IL1R1: variants seen among roughly 807,000 people sequenced by gnomAD.
IL1R1 encodes the protein interleukin 1 receptor type 1, also known as interleukin-1 receptor type 1.
IL1R1 carries 22 observed loss-of-function variants against 50.2 expected under a neutral mutation model. That is an observed-to-expected ratio of 0.44 (90% CI 0.31 to 0.63). The LOEUF is 0.63. IL1R1 is among the 20% of genes least tolerant of loss of function. IL1R1 has a pLI of 0.07. For synonymous variants in IL1R1, 251 were observed against 236.7 expected (o/e 1.06, Z -0.55); for missense variants, 509 against 676.2 (o/e 0.75, Z 2.74).
chr2:102,071,558 C>T (rs1678720069), intron 1 of IL1R1, among the ~76,000 whole-genome samples: 1 of 152,222 alleles, frequency 6.6e-6, no homozygotes, highest in East Asian at 1.9e-4. Context: ...GTGGCCCAAA[C>T]TGGCTTACAT....
chr2:102,167,361 T>C (rs1685268919), intron 6 of IL1R1, among the ~76,000 whole-genome samples: 2 of 152,152 alleles, frequency 1.3e-5, no homozygotes, highest in Admixed American at 1.3e-4. Flanking sequence ...TGGTCTGTCT[T>C]TCCTGAAACA....
In IL1R1 at chr2:102,113,244, A is replaced by G. The variant is rs187730535; in HGVS notation, c.-84+8372A>G. On this transcript the variant is annotated intron_variant, in intron 1 of 10. Transcript: ENST00000409329. ...TCCTGAACTAATGAACAAGTGAATG[A>G]GCCATTGCTATAGAATAGGCTCAAA... Among the ~76,000 whole-genome samples the G allele has an allele frequency of 2.6e-5, 4 of 152,388 alleles. No homozygotes were observed. In the East Asian group the frequency reaches 7.7e-4, roughly 29 times the overall value.
chr2:102,139,435 C>T (rs182480300), upstream of IL1R1, among the ~76,000 whole-genome samples: 4 of 152,216 alleles, frequency 2.6e-5, no homozygotes, highest in African/African-American at 9.6e-5. Context: ...GGCTGGGAAG[C>T]CAAATGGCAT....
intron 1 of IL1R1, among the ~76,000 whole-genome samples, chr2:102,071,095 T>C (rs1678697628): frequency 6.6e-6 from 1 of 152,156 alleles, no homozygotes; most frequent in Admixed American, 6.5e-5. Flanking sequence ...ATGTGTTATA[T>C]CATGATTTTT....
chr2:102,134,203 T>A (rs1200676958), intron 1 of IL1R1, among the ~76,000 whole-genome samples: 1 of 152,202 alleles, frequency 6.6e-6, no homozygotes, highest in Non-Finnish European at 1.5e-5. Flanking sequence ...TGAAGCGGTG[T>A]TGATGGCAGA....
intron 3 of IL1R1, 125 bp from the exon 4 acceptor site, chr2:102,164,649 G>T (rs1685015989): frequency 1.5e-6 from 1 of 666,260 alleles, no homozygotes; most frequent in Non-Finnish European, 2.6e-6. Flanking sequence ...TCACAAGGCT[G>T]TAAAGCTTTT....
At chr2:102,101,281 C>G (rs1577842907), upstream of IL1R1, among the ~76,000 whole-genome samples, 1 of 152,134 alleles carries the variant, frequency 6.6e-6, no homozygotes, top group East Asian at 1.9e-4. Flanking sequence ...AACTGAGATC[C>G]AGTGAGATGA....
intron 1 of IL1R1, among the ~76,000 whole-genome samples, chr2:102,073,558 A>T (rs1214410652): frequency 6.6e-6 from 1 of 152,158 alleles, no homozygotes; most frequent in Admixed American, 6.5e-5. Flanking sequence ...GGCTTCTCAG[A>T]AGTCCATGTG....
At chr2:102,159,073 T>A (rs1294732799) in intron 3 of IL1R1, among the ~76,000 whole-genome samples, 1 of 152,200 alleles carries the variant, frequency 6.6e-6, no homozygotes, top group Non-Finnish European at 1.5e-5. Context: ...AAGGTGAAAT[T>A]GCCATTGATG....
intron 1 of IL1R1, among the ~76,000 whole-genome samples, chr2:102,078,197 T>C (rs756394733): frequency 1.1e-4 from 16 of 151,824 alleles, no homozygotes; most frequent in Non-Finnish European, 1.5e-4. Flanking sequence ...CAGAAGGAAG[T>C]TCATAATTAA....
In IL1R1 at chr2:102,165,097, T is replaced by A. The variant is rs780574239; in HGVS notation, c.297-18T>A. ...TACTTTTAATAATGCTTAACTTACCTATTTTATTTTATTTTAGAAATTCAT... is the reference window on the plus strand; with the variant it reads ...TACTTTTAATAATGCTTAACTTACCAATTTTATTTTATTTTAGAAATTCAT... On this transcript the variant is annotated intron_variant, in intron 4 of 11. Transcript: ENST00000410023. 7 of 1,548,462 alleles carry A rather than the reference T, an allele frequency of 4.5e-6. No homozygotes were observed. The Admixed American group carries it at 1.4e-4, about 32-fold the overall frequency.
chr2:102,132,491 T>G (rs554200486), intron 1 of IL1R1, among the ~76,000 whole-genome samples: 1 of 151,954 alleles, frequency 6.6e-6, no homozygotes, highest in Admixed American at 6.6e-5. Context: ...AAGAAGAAAA[T>G]TGTCAAATTG....
At chr2:102,071,889 C>T (rs1366252081) in intron 1 of IL1R1, among the ~76,000 whole-genome samples, 2 of 152,140 alleles carry the variant, frequency 1.3e-5, no homozygotes, top group African/African-American at 4.8e-5. Flanking sequence ...CGAGGAAGCA[C>T]CTGGACTATA....
rs1681695333 is a variant in IL1R1 at position 102,126,079 on chromosome 2, T to C, written c.-84+21207T>C. Among the ~76,000 whole-genome samples, 3 of 152,242 alleles carry C rather than the reference T, an allele frequency of 2.0e-5. No individual in the cohort carries two copies. In the South Asian group the frequency reaches 6.2e-4, roughly 31 times the overall value. ...AGCCTTATAATGCTCTTTTTCTTAA[T>C]AACTATTTCATAATATCCCCTAAGT... On this transcript the variant is annotated intron_variant, in intron 1 of 10. Coordinates refer to the IL1R1 transcript ENST00000409329.
chr2:102,073,664 T>G (rs1198686269), intron 1 of IL1R1, among the ~76,000 whole-genome samples: 1 of 152,166 alleles, frequency 6.6e-6, no homozygotes, highest in African/African-American at 2.4e-5. Flanking sequence ...TACTCAGGGC[T>G]CTTTCTTGGA....
At chr2:102,077,547 A>G (rs2104279850) in intron 1 of IL1R1, among the ~76,000 whole-genome samples, 1 of 152,302 alleles carries the variant, frequency 6.6e-6, no homozygotes, top group Admixed American at 6.5e-5. Context: ...GGCCTTATAG[A>G]ATAGTCATAA....
At chr2:102,078,233 G>A (rs1197993921) in intron 1 of IL1R1, among the ~76,000 whole-genome samples, 1 of 151,894 alleles carries the variant, frequency 6.6e-6, no homozygotes, top group Non-Finnish European at 1.5e-5. Context: ...AGATAAAATG[G>A]GGAATAGAAA....
At chr2:102,114,609 T>G (rs1461894589) in intron 1 of IL1R1, among the ~76,000 whole-genome samples, 2 of 152,236 alleles carry the variant, frequency 1.3e-5, no homozygotes, top group African/African-American at 2.4e-5. Flanking sequence ...GCTATTGTGA[T>G]AATGTGGGAA....
intron 7 of IL1R1, 144 bp downstream of exon 7, chr2:102,168,807 A>T: frequency 1.6e-6 from 1 of 610,344 alleles, no homozygotes; most frequent in Middle Eastern, 4.7e-4. Flanking sequence ...GACAAATTAT[A>T]TCTTAATTTT....
Sources: allele counts gnomAD v4.1 joint callset (sites outside exome capture counted in the v4.1 genomes callset), GRCh38; gene constraint gnomAD v4.1.1; transcripts MANE v1.5; gene names NCBI Gene and HGNC (gene_info 2026-07-23, HGNC 2026-07-21).